KLHL25: variants seen among roughly 807,000 people sequenced by gnomAD.
The protein encoded by KLHL25 is kelch like family member 25.
KLHL25 carries 41 observed loss-of-function variants against 30.0 expected under a neutral mutation model. That is an observed-to-expected ratio of 1.37 (90% CI 1.07 to 1.78). KLHL25 has a LOEUF of 1.78. Ranked by LOEUF, KLHL25 falls within the 40% of genes most tolerant of loss-of-function variation. The probability of loss-of-function intolerance (pLI) is 0.00; values close to 1 mark genes in which losing one functional copy is unlikely to be tolerated. For synonymous variants in KLHL25, 399 were observed against 355.3 expected, an observed-to-expected ratio of 1.12 and a Z score of -1.38; for missense variants, 971 against 824.5, an observed-to-expected ratio of 1.18 and a Z score of -2.18.
rs2089805565 is a variant in KLHL25, at chr15:85,789,910, G to A, written c.-11+4856C>T. Among the ~76,000 whole-genome samples the A allele has an allele frequency of 2.0e-5, 3 of 152,180 alleles. No homozygotes were observed. Among genetic ancestry groups the A allele is most frequent in the South Asian group, 4.1e-4 (2 of 4,830 alleles). ...AACTGCCAGAGGCTCAAGGAGAACAGCCCCGTCCCTTTGGAGTTACTGGGA... is the reference window on the plus strand; with the variant it reads ...AACTGCCAGAGGCTCAAGGAGAACAACCCCGTCCCTTTGGAGTTACTGGGA... On this transcript the variant is annotated intron_variant, in intron 1 of 2. Coordinates refer to ENST00000337975, the MANE Select transcript of KLHL25 (RefSeq NM_022480.4). This position sits in a 1 kb window ranked among gnomAD's most constrained non-coding sequence, Gnocchi z 4.1.
chr15:85,779,020 G>A (rs970931196), intron 1 of KLHL25, among the ~76,000 whole-genome samples: 3 of 151,778 alleles, frequency 2.0e-5, no homozygotes, highest in African/African-American at 4.8e-5. Flanking sequence ...GGCAACGTAT[G>A]GATTTGGCCA....
Position 85,768,146 on chromosome 15 carries a change from CAG to C in KLHL25, c.1663_1664del (p.Leu555GlyfsTer4). 1 of 1,614,216 alleles carries C rather than the reference CAG, an allele frequency of 6.2e-7. No homozygotes were observed. The highest frequency in any genetic ancestry group is 1.3e-5 in the African/African-American group (1 of 75,042). On this transcript the variant is annotated frameshift_variant, in exon 2 of 3. Coordinates refer to ENST00000337975, the MANE Select transcript of KLHL25 (RefSeq NM_022480.4). LOFTEE classifies it low-confidence loss of function (END_TRUNC). ...TATCTGAAGTGGGGTCATAGCAGTCCAGAGTCTTACACCTCTGGGTCCCAAAG... is the reference window on the plus strand; with the variant it reads ...TATCTGAAGTGGGGTCATAGCAGTCCAGTCTTACACCTCTGGGTCCCAAAG... ...GYFGTQRCKT[L>X]DCYDPTSDTW...
chr15:85,766,167 C>A (rs1038018718), intron 2 of KLHL25, among the ~76,000 whole-genome samples: 5 of 152,224 alleles, frequency 3.3e-5, no homozygotes, highest in Non-Finnish European at 7.3e-5. Flanking sequence ...TTCCTATGAC[C>A]TGAAGCTGAG....
At chr15:85,781,143 T>C (rs1407212300) in intron 1 of KLHL25, among the ~76,000 whole-genome samples, 1 of 152,184 alleles carries the variant, frequency 6.6e-6, no homozygotes, top group East Asian at 1.9e-4. Context: ...CAGACCAGCC[T>C]GGCCAACATG....
intron 1 of KLHL25, among the ~76,000 whole-genome samples, chr15:85,788,774 C>G (rs2151813625): frequency 6.6e-6 from 1 of 152,282 alleles, no homozygotes; most frequent in Non-Finnish European, 1.5e-5. Context: ...GTTGCATGAA[C>G]AAAGCTGGGT....
intron 2 of KLHL25, among the ~76,000 whole-genome samples, chr15:85,766,141 C>T (rs1283555048): frequency 1.3e-5 from 2 of 152,222 alleles, no homozygotes; most frequent in African/African-American, 2.4e-5. Flanking sequence ...TTAGCTCGGG[C>T]CAGCTCCTGA....
chr15:85,787,772 C>A (rs985159827), intron 1 of KLHL25, among the ~76,000 whole-genome samples: 10 of 152,120 alleles, frequency 6.6e-5, no homozygotes, highest in Non-Finnish European at 1.5e-5. Context: ...GAGTATGATT[C>A]AAATTATGTA....
chr15:85,781,934 G>A (rs566691425), intron 1 of KLHL25, among the ~76,000 whole-genome samples: 2 of 152,212 alleles, frequency 1.3e-5, no homozygotes, highest in African/African-American at 2.4e-5. Flanking sequence ...GGAGGCAGCT[G>A]GACCCAGTAC....
rs1379605955 is a variant in KLHL25, at chr15:85,784,002, A to T, written c.-11+10764T>A. Among the ~76,000 whole-genome samples the T allele has an allele frequency of 2.0e-5, 3 of 152,230 alleles. No individual in the cohort carries two copies. The East Asian group carries it at 5.8e-4, about 29-fold the overall frequency. ...GAATTAAGAGAGAATACACGTAAAG[A>T]GTGTAGCATGGTGGGACACAAATTT... On this transcript the variant is annotated intron_variant, in intron 1 of 2. Transcript: ENST00000337975.
intron 1 of KLHL25, chr15:85,770,516 T>G (rs753418032): frequency 5.6e-6 from 3 of 534,448 alleles, no homozygotes; most frequent in South Asian, 2.8e-5. Context: ...AAGGCCCAAG[T>G]GCTCAGTGGA....
chr15:85,782,643 A>G (rs2089751222), intron 1 of KLHL25, among the ~76,000 whole-genome samples: 1 of 152,146 alleles, frequency 6.6e-6, no homozygotes, highest in African/African-American at 2.4e-5. Context: ...TGTCCACAGT[A>G]CATGCTCAGA....
intron 1 of KLHL25, among the ~76,000 whole-genome samples, chr15:85,783,072 T>C (rs2089755224): frequency 6.6e-6 from 1 of 152,190 alleles, no homozygotes; most frequent in Non-Finnish European, 1.5e-5. Flanking sequence ...ATATGCAATA[T>C]AATCAACATA....
At chr15:85,775,947 G>A (rs1335944073) in intron 1 of KLHL25, among the ~76,000 whole-genome samples, 1 of 151,506 alleles carries the variant, frequency 6.6e-6, no homozygotes, top group African/African-American at 2.4e-5. Context: ...GCTGAGGTGG[G>A]CAGATCACAA....
rs67573782 is a variant in KLHL25 at position 85,770,472 on chromosome 15, ACATCC to A, written c.-10-657_-10-653del. Reference sequence around the variant, plus strand: ...CCGGGCTCCAAGCGGTACTGGCTAGACATCCCCCTTGCCTTGGAACAAGAGCCGCC... The same window carrying A: ...CCGGGCTCCAAGCGGTACTGGCTAGACCCTTGCCTTGGAACAAGAGCCGCC... On this transcript the variant is annotated intron_variant, in intron 1 of 2. Transcript: ENST00000337975. 1,084 of 532,926 alleles carry A rather than the reference ACATCC, an allele frequency of 2.0e-3. 8 individuals are homozygous for A. The highest frequency in any genetic ancestry group is 2.9e-3 in the Non-Finnish European group (757 of 259,550). 33.0% of individuals were successfully genotyped at this position (532,926 alleles called of 1,614,324 possible).
chr15:85,794,297 T>C (rs1395222925), intron 1 of KLHL25, among the ~76,000 whole-genome samples: 1 of 152,128 alleles, frequency 6.6e-6, no homozygotes, highest in East Asian at 1.9e-4. Context: ...ACCCTCCCCT[T>C]GTGAACCCCG....
Position 85,789,666 on chromosome 15 carries a change from A to T in KLHL25, c.-11+5100T>A, listed in dbSNP as rs569221218. 6.2e-4 allele frequency among the ~76,000 whole-genome samples: 95 copies of T among 152,190 alleles called. No individual in the cohort carries two copies. The Middle Eastern group carries it at 0.01, about 16-fold the overall frequency. On this transcript the variant is annotated intron_variant, in intron 1 of 2. Transcript: ENST00000337975. The surrounding 1 kb of genome is among the most constrained non-coding windows in gnomAD (Gnocchi z 4.1). ...GGAAGTCTCACCCTAGTCATTCCAGAGGGGGTCATCCTGGTGCTCCCACGA... is the reference window on the plus strand; with the variant it reads ...GGAAGTCTCACCCTAGTCATTCCAGTGGGGGTCATCCTGGTGCTCCCACGA...
chr15:85,786,455 G>T (rs1037866590), intron 1 of KLHL25, among the ~76,000 whole-genome samples: 1 of 152,244 alleles, frequency 6.6e-6, no homozygotes, highest in Non-Finnish European at 1.5e-5. Context: ...CATGGGGCCC[G>T]ATGCCTCCTG....
rs548392931 is a variant in KLHL25, at chr15:85,792,043, G to A, written c.-11+2723C>T. Among the ~76,000 whole-genome samples, 94 of 152,310 alleles carry A rather than the reference G, an allele frequency of 6.2e-4. 2 individuals are homozygous for A. The highest frequency in any genetic ancestry group is 1.0e-4 in the Non-Finnish European group (7 of 68,030). On this transcript the variant is annotated intron_variant, in intron 1 of 2. Transcript: ENST00000337975. ...CCCCAGAAGGACCTGGAGGCAGTAT[G>A]GGATGATTATGCCTTGAAGATGACA...
chr15:85,776,929 AAAAT>A (rs71141489), intron 1 of KLHL25, among the ~76,000 whole-genome samples: 85 of 152,082 alleles, frequency 5.6e-4, no homozygotes, highest in South Asian at 4.6e-3. Context: ...CATCTCAAAA[AAAAT>A]AAATAAATAA....
Sources: gnomAD v4.1 joint callset for allele counts (sites outside exome capture counted in the v4.1 genomes callset) on GRCh38, gnomAD v4.1.1 for gene constraint, Gnocchi (gnomAD v3.1) non-coding constraint, MANE v1.5 for transcripts, NCBI Gene and HGNC (gene_info 2026-07-23, HGNC 2026-07-21) for gene names.